Variants in BEND4 observed in about 807,000 individuals in gnomAD.
The protein encoded by BEND4 is BEN domain containing 4, also known as BEN domain-containing protein 4.
Under a neutral mutation model 54.7 loss-of-function variants are expected in BEND4, and 27 were observed. The observed-to-expected ratio is 0.49, with a 90% CI of 0.36 to 0.68. The LOEUF (loss-of-function observed/expected upper bound fraction) is 0.68. Ranked by LOEUF, BEND4 falls within the 30% of genes least tolerant of loss-of-function variation. BEND4 has a pLI of 0.00. For missense variants in BEND4, 702 were observed against 697.2 expected (o/e 1.01, Z -0.08); for synonymous variants, 327 against 299.5 (o/e 1.09, Z -0.95).
chr4:42,151,618 G>A, intron 2 of BEND4, 39 bp downstream of exon 2: 1 of 1,435,410 alleles, frequency 7.0e-7, no homozygotes, highest in Non-Finnish European at 9.1e-7. Context: ...CGCTGCCCCC[G>A]GCCGTGGCGG....
At chr4:42,122,571 G>A in intron 4 of BEND4, among the ~76,000 whole-genome samples, 1 of 152,154 alleles carries the variant, frequency 6.6e-6, no homozygotes, top group East Asian at 1.9e-4. Context: ...AATTCGCAAA[G>A]TTAAAGAACT....
chr4:42,119,648 T>A (rs1028879060), intron 5 of BEND4, among the ~76,000 whole-genome samples: 3 of 152,170 alleles, frequency 2.0e-5, no homozygotes, highest in African/African-American at 7.2e-5. Flanking sequence ...GGGCCAAGTA[T>A]TCTTGAGAAG....
In BEND4 at chr4:42,152,088, T is replaced by C. The variant is rs1401437230; in HGVS notation, c.56A>G (p.Lys19Arg). The change falls in exon 2 of 6, where the codon AAG (lysine) becomes AGG (arginine). Residue 19 changes from lysine to arginine, a missense_variant. Transcript: ENST00000502486. ...EEGPSVPKIY[K>R]QRSPYSVLKT... ...GAGGACGCTGTAGGGGCTGCGCTGC[T>C]TGTAGATTTTGGGGACGCTGGGCCC... The C allele has an allele frequency of 5.6e-6, 7 of 1,249,710 alleles. No homozygotes were observed. The highest frequency in any genetic ancestry group is 4.0e-6 in the Non-Finnish European group (4 of 988,676). 77.4% of individuals were successfully genotyped at this position (1,249,710 alleles called of 1,614,324 possible).
chr4:42,124,560 G>A (rs1344799190), intron 4 of BEND4, among the ~76,000 whole-genome samples: 1 of 152,128 alleles, frequency 6.6e-6, no homozygotes, highest in African/African-American at 2.4e-5. Flanking sequence ...GTGAGGGCCT[G>A]GGGTGACCAG....
chr4:42,134,666 C>T (rs1178742874), intron 3 of BEND4, among the ~76,000 whole-genome samples: 2 of 152,158 alleles, frequency 1.3e-5, no homozygotes, highest in Non-Finnish European at 2.9e-5. Context: ...CCCACGGTAA[C>T]GATAACAGAA....
At chr4:42,126,611 C>A (rs1720296664) in intron 3 of BEND4, among the ~76,000 whole-genome samples, 1 of 152,190 alleles carries the variant, frequency 6.6e-6, no homozygotes, top group Admixed American at 6.5e-5. Context: ...AGATACCAAC[C>A]TAACATAGAG....
rs1233167191 is a variant in BEND4, at chr4:42,143,500, C to T, written c.982G>A (p.Glu328Lys). The T allele has an allele frequency of 4.5e-6, 7 of 1,552,400 alleles. No individual in the cohort carries two copies. The African/African-American group carries it at 9.6e-5, about 21-fold the overall frequency. Residue 328 changes from glutamate (E) to lysine (K), a missense_variant, in exon 3 of 6, where the codon GAG becomes AAG. Glu to Lys is a moderately conservative substitution (Grantham distance 56). Coordinates refer to ENST00000502486, the MANE Select transcript of BEND4 (RefSeq NM_207406.4). The part of the protein sequence containing the change: ...DEEGYCPRCQ[E>K]LEQEVISLQQ... Reference sequence around the variant, plus strand: ...AGTGAAATAACCTCCTGCTCCAGCTCTTGGCATCGAGGACAATAGCCTTCC... The same window carrying T: ...AGTGAAATAACCTCCTGCTCCAGCTTTTGGCATCGAGGACAATAGCCTTCC...
In BEND4 at chr4:42,112,431, G is replaced by A. The variant is rs1399451555; in HGVS notation, c.*5087C>T. On this transcript the variant is annotated 3_prime_UTR_variant, in exon 6 of 6. Coordinates refer to ENST00000502486, the MANE Select transcript of BEND4 (RefSeq NM_207406.4). ...TTCCAATGTGGCCAGGATACATCTG[G>A]CCACTTGTACTGGCCCAATTATTCC... 1 of 152,194 alleles carries A rather than the reference G, an allele frequency of 6.6e-6. No individual in the cohort carries two copies. The highest frequency in any genetic ancestry group is 2.4e-5 in the African/African-American group (1 of 41,458). 9.4% of individuals were successfully genotyped at this position (152,194 alleles called of 1,614,324 possible). A position where few individuals can be genotyped will look rare whatever the true frequency, so the allele number is the denominator to read the frequency against.
intron 2 of BEND4, among the ~76,000 whole-genome samples, chr4:42,149,858 T>C (rs903379177): frequency 4.0e-5 from 6 of 151,550 alleles, no homozygotes; most frequent in African/African-American, 7.3e-5. Flanking sequence ...GCTAAAACTA[T>C]GGATGAAAAT....
In BEND4 at chr4:42,152,288, C is replaced by T. The variant is rs1240210828; in HGVS notation, c.-145G>A. On this transcript the variant is annotated 5_prime_UTR_variant, in exon 2 of 6. Coordinates refer to ENST00000502486, the MANE Select transcript of BEND4 (RefSeq NM_207406.4). ...GTGTCTGTGCCGTGGCCGCCGCCGC[C>T]GCCGCCTGTCGCTGAGGCTGGCATC... 8 of 782,896 alleles carry T rather than the reference C, an allele frequency of 1.0e-5. No homozygotes were observed. The highest frequency in any genetic ancestry group is 1.4e-5 in the Non-Finnish European group (8 of 586,012). 48.5% of individuals were successfully genotyped at this position (782,896 alleles called of 1,614,324 possible).
Position 42,115,029 on chromosome 4 carries a change from C to T in BEND4, c.*2489G>A, listed in dbSNP as rs1416258674. 1 of 152,300 alleles carries T rather than the reference C, an allele frequency of 6.6e-6. No homozygotes were observed. The highest frequency in any genetic ancestry group is 2.4e-5 in the African/African-American group (1 of 41,462). 9.4% of individuals were successfully genotyped at this position (152,300 alleles called of 1,614,324 possible). A position where few individuals can be genotyped will look rare whatever the true frequency, so the allele number is the denominator to read the frequency against. On this transcript the variant is annotated 3_prime_UTR_variant, in exon 6 of 6. Transcript: ENST00000502486. The stretch of plus-strand genomic sequence containing the variant: ...AGGAGCAAAAGTCGTAGGAACATTT[C>T]ACTCAGGCAAAAGCTGTAGGTCCGA...
chr4:42,124,827 C>G (rs1720211118), intron 4 of BEND4, among the ~76,000 whole-genome samples: 1 of 152,138 alleles, frequency 6.6e-6, no homozygotes, highest in Non-Finnish European at 1.5e-5. Context: ...TTTCAAGAAG[C>G]AAGATGTGCT....
At chr4:42,137,539 C>T (rs1225495864) in intron 3 of BEND4, among the ~76,000 whole-genome samples, 1 of 152,102 alleles carries the variant, frequency 6.6e-6, no homozygotes, top group East Asian at 1.9e-4. Flanking sequence ...TTGTACTGTT[C>T]TTTAGATTAA....
intron 3 of BEND4, among the ~76,000 whole-genome samples, chr4:42,132,222 T>C (rs991574784): frequency 1.3e-5 from 2 of 152,122 alleles, no homozygotes; most frequent in South Asian, 2.1e-4. Context: ...AGTTTCCGAG[T>C]GAGGACTGGC....
chr4:42,115,135 A>G lies in BEND4; in HGVS notation c.*2383T>C, dbSNP rs1314883510. On this transcript the variant is annotated 3_prime_UTR_variant, in exon 6 of 6. Transcript: ENST00000502486. Reference sequence around the variant, plus strand: ...CCTTGTGCAAAAGAGATGCCCAACAATTAGTCTCAACATTCAGAATCTGTG... The same window carrying G: ...CCTTGTGCAAAAGAGATGCCCAACAGTTAGTCTCAACATTCAGAATCTGTG... 6.6e-6 allele frequency: 1 copy of G among 152,300 alleles called. No individual in the cohort carries two copies. The allele number at this position is 152,300 out of a possible 1,614,324, so 9.4% of individuals were successfully genotyped here.
rs1719755967 is a variant in BEND4, at chr4:42,115,254, A to C, written c.*2264T>G. ...AACTTTGGAACAAAAGTGGTGTGCA[A>C]ACCTGGGACAGCAGCCTTCTCAGGA... On this transcript the variant is annotated 3_prime_UTR_variant, in exon 6 of 6. Transcript: ENST00000502486. 1 of 152,250 alleles carries C rather than the reference A, an allele frequency of 6.6e-6. No individual in the cohort carries two copies. Among genetic ancestry groups the C allele is most frequent in the Non-Finnish European group, 1.5e-5 (1 of 68,058 alleles). 9.4% of individuals were successfully genotyped at this position (152,250 alleles called of 1,614,324 possible). A position where few individuals can be genotyped will look rare whatever the true frequency, so the allele number is the denominator to read the frequency against.
At chr4:42,126,991 G>A (rs1463603290) in intron 3 of BEND4, among the ~76,000 whole-genome samples, 1 of 152,104 alleles carries the variant, frequency 6.6e-6, no homozygotes, top group Non-Finnish European at 1.5e-5. Flanking sequence ...TTCTTGTCAC[G>A]TTCAAGAAAA....
Position 42,110,947 on chromosome 4 carries a change from A to C in BEND4, c.*6571T>G, listed in dbSNP as rs754448686. 8 of 152,210 alleles carry C rather than the reference A, an allele frequency of 5.3e-5. No homozygotes were observed. The highest frequency in any genetic ancestry group is 1.0e-4 in the Non-Finnish European group (7 of 68,038). 9.4% of individuals were successfully genotyped at this position (152,210 alleles called of 1,614,324 possible). On this transcript the variant is annotated 3_prime_UTR_variant, in exon 6 of 6. Coordinates refer to ENST00000502486, the MANE Select transcript of BEND4 (RefSeq NM_207406.4). ...AACCAAGTTAAAACACTTAACAGAG[A>C]CTTGACATTTATTGTGCAATTTTAT...
intron 3 of BEND4, among the ~76,000 whole-genome samples, chr4:42,127,951 C>T (rs1419612245): frequency 1.3e-5 from 2 of 151,978 alleles, no homozygotes; most frequent in Non-Finnish European, 2.9e-5. Flanking sequence ...TCGCTTGAGC[C>T]CAGGAGATTG....
Sources: allele counts gnomAD v4.1 joint callset (sites outside exome capture counted in the v4.1 genomes callset), GRCh38; gene constraint gnomAD v4.1.1; transcripts MANE v1.5; gene names NCBI Gene and HGNC (gene_info 2026-07-23, HGNC 2026-07-21).